The following ZMAT4 variants were observed in gnomAD, a reference collection of about 807,000 sequenced individuals.
The protein encoded by ZMAT4 is zinc finger matrin-type 4, also known as zinc finger matrin-type protein 4.
In ZMAT4, 17 loss-of-function variants were observed where a neutral mutation model predicts 28.7. That is an observed-to-expected ratio of 0.59 (90% CI 0.41 to 0.89). The LOEUF is 0.89. Among genes scored for constraint, ZMAT4 ranks in the 40% least tolerant of loss-of-function variants. ZMAT4 has a pLI of 0.00. For synonymous variants in ZMAT4, 117 were observed against 109.2 expected, an observed-to-expected ratio of 1.07 and a Z score of -0.44; for missense variants, 240 against 283.8, an observed-to-expected ratio of 0.85 and a Z score of 1.11.
At chr8:40,851,631 A>T (rs1817110253) in intron 1 of ZMAT4, among the ~76,000 whole-genome samples, 1 of 152,210 alleles carries the variant, frequency 6.6e-6, no homozygotes, top group Non-Finnish European at 1.5e-5. Context: ...GCACATATGT[A>T]TGGAGTACCT....
intron 3 of ZMAT4, among the ~76,000 whole-genome samples, chr8:40,742,166 G>A (rs1812036190): frequency 6.6e-6 from 1 of 151,642 alleles, no homozygotes; most frequent in South Asian, 2.1e-4. Context: ...GGCTAAGGTG[G>A]GATCTCAGGA....
intron 1 of ZMAT4, among the ~76,000 whole-genome samples, chr8:40,834,160 C>T (rs560313459): frequency 1.3e-5 from 2 of 152,326 alleles, no homozygotes; most frequent in Admixed American, 6.5e-5. Flanking sequence ...AGCCGCGGGC[C>T]GTGGAACCAG....
At chr8:40,679,450 G>T (rs530415111) in intron 4 of ZMAT4, among the ~76,000 whole-genome samples, 1 of 152,134 alleles carries the variant, frequency 6.6e-6, no homozygotes, top group African/African-American at 2.4e-5. Context: ...CAGGGCTGGG[G>T]AGGCTTCAGG....
At chr8:40,539,607 G>A (rs1432815388) in intron 6 of ZMAT4, among the ~76,000 whole-genome samples, 1 of 152,152 alleles carries the variant, frequency 6.6e-6, no homozygotes, top group Non-Finnish European at 1.5e-5. Flanking sequence ...CAAAGACATC[G>A]ATAATATCTT....
intron 4 of ZMAT4, among the ~76,000 whole-genome samples, chr8:40,693,999 G>T (rs917888455): frequency 1.3e-5 from 2 of 152,198 alleles, no homozygotes; most frequent in Admixed American, 6.5e-5. Context: ...GGGGGTGGGG[G>T]CAGCATACCT....
At chr8:40,692,832 TGATGTTTTCTTCAG>T (rs755990187) in intron 4 of ZMAT4, among the ~76,000 whole-genome samples, 1 of 152,146 alleles carries the variant, frequency 6.6e-6, no homozygotes, top group African/African-American at 2.4e-5. Flanking sequence ...AAGAGTTAAA[TGATGTTTTCTTCAG>T]GATTTTGAAT....
At chr8:40,770,376 G>C (rs560005003) in intron 2 of ZMAT4, among the ~76,000 whole-genome samples, 196 of 152,066 alleles carry the variant, frequency 1.3e-3, no homozygotes, top group African/African-American at 4.3e-3. Flanking sequence ...GGTTGACAAA[G>C]GGAAAGAGGT....
Position 40,532,188 on chromosome 8 carries a change from A to C in ZMAT4, c.*35T>G. 6.4e-7 allele frequency: 1 copy of C among 1,568,226 alleles called. No homozygotes were observed. Among genetic ancestry groups the C allele is most frequent in the South Asian group, 1.2e-5 (1 of 82,742 alleles). Reference sequence around the variant, plus strand: ...CAATTCTCCACGGCAGAGAAATGCTAATGTTTTGTTCTTATGTCTTGATTG... The same window carrying C: ...CAATTCTCCACGGCAGAGAAATGCTCATGTTTTGTTCTTATGTCTTGATTG... On this transcript the variant is annotated 3_prime_UTR_variant, in exon 7 of 7. Coordinates refer to ENST00000297737, the MANE Select transcript of ZMAT4 (RefSeq NM_024645.3).
At chr8:40,612,973 C>T (rs180951888) in intron 5 of ZMAT4, among the ~76,000 whole-genome samples, 144 of 151,530 alleles carry the variant, frequency 9.5e-4, no homozygotes, top group South Asian at 7.5e-3. Flanking sequence ...CCACCAGGGC[C>T]GGCTAATTTT....
intron 1 of ZMAT4, among the ~76,000 whole-genome samples, chr8:40,877,652 A>G (rs534599933): frequency 3.3e-4 from 50 of 152,322 alleles, no homozygotes; most frequent in African/African-American, 1.1e-3. Context: ...CAAAATTTTT[A>G]CTTCTGTTTA....
intron 6 of ZMAT4, among the ~76,000 whole-genome samples, chr8:40,565,178 C>T (rs922580972): frequency 4.6e-5 from 7 of 152,136 alleles, no homozygotes; most frequent in Non-Finnish European, 1.0e-4. Flanking sequence ...TCTTCCCTTA[C>T]TTAATAGCAA....
In ZMAT4 at chr8:40,585,714, G is replaced by T. The variant is rs1242436825; in HGVS notation, c.578-4453C>A. Among the ~76,000 whole-genome samples the T allele has an allele frequency of 2.0e-5, 3 of 152,114 alleles. No homozygotes were observed. In the East Asian group the frequency reaches 5.8e-4, roughly 29 times the overall value. On this transcript the variant is annotated intron_variant, in intron 5 of 6. Coordinates refer to ENST00000297737, the MANE Select transcript of ZMAT4 (RefSeq NM_024645.3). The stretch of plus-strand genomic sequence containing the variant: ...CTATAACTTATCACTACCAGTGTGT[G>T]AGTTTTTAAATGCTTATCCAGGTCT...
At chr8:40,887,383 G>A (rs1328463135) in intron 1 of ZMAT4, among the ~76,000 whole-genome samples, 2 of 151,430 alleles carry the variant, frequency 1.3e-5, no homozygotes, top group Admixed American at 1.3e-4. Context: ...CAGCTACTCG[G>A]GAGGCTGAGA....
intron 2 of ZMAT4, among the ~76,000 whole-genome samples, chr8:40,823,017 G>A (rs535401660): frequency 1.4e-4 from 22 of 152,178 alleles, no homozygotes; most frequent in African/African-American, 5.1e-4. Flanking sequence ...ACACTTCATT[G>A]AGCAGCTGAA....
At chr8:40,569,785 C>T (rs1308479684) in intron 6 of ZMAT4, among the ~76,000 whole-genome samples, 1 of 152,166 alleles carries the variant, frequency 6.6e-6, no homozygotes, top group Non-Finnish European at 1.5e-5. Flanking sequence ...TTGTAGTAGG[C>T]CTAGCTGGAC....
At chr8:40,576,916 G>C (rs1804285129) in intron 6 of ZMAT4, among the ~76,000 whole-genome samples, 1 of 152,180 alleles carries the variant, frequency 6.6e-6, no homozygotes, top group Non-Finnish European at 1.5e-5. Context: ...AATGGTGGCT[G>C]GGTGTGGTGG....
At chr8:40,859,620 C>T (rs978986712) in intron 1 of ZMAT4, among the ~76,000 whole-genome samples, 2 of 152,180 alleles carry the variant, frequency 1.3e-5, no homozygotes, top group Non-Finnish European at 2.9e-5. Flanking sequence ...GCAGTTTCTC[C>T]TCTACAAGTC....
chr8:40,618,247 G>T (rs917279676), intron 5 of ZMAT4, among the ~76,000 whole-genome samples: 5 of 152,106 alleles, frequency 3.3e-5, no homozygotes, highest in African/African-American at 1.2e-4. Flanking sequence ...CAAATTCTTT[G>T]TCCTGGCATG....
chr8:40,718,881 G>A (rs1225645388), intron 3 of ZMAT4, among the ~76,000 whole-genome samples: 1 of 152,128 alleles, frequency 6.6e-6, no homozygotes, highest in Admixed American at 6.5e-5. Context: ...TCCAATTTCT[G>A]ATGACATTCT....
Sources: allele counts gnomAD v4.1 joint callset (sites outside exome capture counted in the v4.1 genomes callset), GRCh38; gene constraint gnomAD v4.1.1; transcripts MANE v1.5; gene names NCBI Gene and HGNC (gene_info 2026-07-23, HGNC 2026-07-21).